The following DSCAML1 variants were observed in gnomAD, a reference collection of about 807,000 sequenced individuals.
DSCAML1 encodes DS cell adhesion molecule like 1, also known as cell adhesion molecule DSCAML1.
In DSCAML1, 38 loss-of-function variants were observed where a neutral mutation model predicts 200.5. The ratio of observed to expected loss-of-function variants is 0.19; its 90% CI spans 0.15 to 0.25. DSCAML1 has a LOEUF of 0.25. Among genes scored for constraint, DSCAML1 ranks in the 10% least tolerant of loss-of-function variants. The pLI is 1.00. For synonymous variants in DSCAML1, 1,215 were observed against 1,165.0 expected, an observed-to-expected ratio of 1.04 and a Z score of -0.87; for missense variants, 2,223 against 2,858.8, an observed-to-expected ratio of 0.78 and a Z score of 5.07.
rs372736535 is a variant in DSCAML1 at position 117,465,029 on chromosome 11, C to A, written c.3178G>T (p.Ala1060Ser). Reference sequence around the variant, plus strand: ...GCTTGGACCACCACCCCATACTGGGCGAACTTCTTGAGGTTGTCCAGGGTG... The same window carrying A: ...GCTTGGACCACCACCCCATACTGGGAGAACTTCTTGAGGTTGTCCAGGGTG... The part of the protein sequence containing the change: ...VYTLDNLKKF[A>S]QYGVVVQAFN... The change falls in exon 17 of 33, where the codon GCC becomes TCC. Residue 1060 changes from alanine (A) to serine (S), a missense_variant. Coordinates refer to ENST00000651296, the MANE Select transcript of DSCAML1 (RefSeq NM_020693.4). 1.1e-5 allele frequency: 18 copies of A among 1,614,002 alleles called. No individual in the cohort carries two copies. Among genetic ancestry groups the A allele is most frequent in the Non-Finnish European group, 1.5e-5 (18 of 1,179,994 alleles).
intron 3 of DSCAML1, among the ~76,000 whole-genome samples, chr11:117,744,933 G>A (rs774104764): frequency 6.6e-5 from 10 of 152,212 alleles, no homozygotes; most frequent in African/African-American, 9.6e-5. Flanking sequence ...CAGGGAGGGC[G>A]GGCCAACCCA....
intron 20 of DSCAML1, 100 bp from the exon 21 acceptor site, chr11:117,444,139 G>T (rs1187341844): frequency 1.5e-6 from 2 of 1,361,526 alleles, no homozygotes; most frequent in Non-Finnish European, 2.0e-6. Flanking sequence ...GGATGGCGGG[G>T]TCGGATGCGA....
intron 3 of DSCAML1, among the ~76,000 whole-genome samples, chr11:117,702,185 G>A (rs1471199476): frequency 6.6e-6 from 1 of 152,130 alleles, no homozygotes; most frequent in African/African-American, 2.4e-5. Context: ...TGGTCTCCCT[G>A]ATGAACACAA....
intron 3 of DSCAML1, among the ~76,000 whole-genome samples, chr11:117,574,351 G>A (rs960004279): frequency 6.6e-6 from 1 of 152,184 alleles, no homozygotes; most frequent in Non-Finnish European, 1.5e-5. Flanking sequence ...GGGAGATTAG[G>A]TGGAGGGTTC....
chr11:117,433,828 A>G (rs1012740515), intron 27 of DSCAML1, among the ~76,000 whole-genome samples: 1 of 152,236 alleles, frequency 6.6e-6, no homozygotes, highest in Admixed American at 6.5e-5. Flanking sequence ...TGGAAGATTT[A>G]TCTTCAGTTA....
chr11:117,475,604 CAT>C lies in DSCAML1; in HGVS notation c.2786-3570_2786-3569del, dbSNP rs751871028. On this transcript the variant is annotated intron_variant, in intron 14 of 32. Coordinates refer to ENST00000651296, the MANE Select transcript of DSCAML1 (RefSeq NM_020693.4). The stretch of plus-strand genomic sequence containing the variant: ...ACCTTTGGTCCTCTCCCCAGTTTCA[CAT>C]GTGTTGGGCACTTAAAATGTGCTGT... Among the ~76,000 whole-genome samples, 46 of 152,212 alleles carry C rather than the reference CAT, an allele frequency of 3.0e-4. 1 individual carries two copies. The highest frequency in any genetic ancestry group is 4.6e-4 in the Admixed American group (7 of 15,274).
chr11:117,494,687 A>G, intron 11 of DSCAML1, among the ~76,000 whole-genome samples: 1 of 152,196 alleles, frequency 6.6e-6, no homozygotes, highest in East Asian at 1.9e-4. Context: ...GATGTAATCA[A>G]GATGTAAGTT....
chr11:117,811,021 T>C (rs2055756434), intron 1 of DSCAML1, among the ~76,000 whole-genome samples: 1 of 152,202 alleles, frequency 6.6e-6, no homozygotes, highest in Non-Finnish European at 1.5e-5. Context: ...CTCCACCCTG[T>C]AATCTTTTTA....
At chr11:117,568,574 C>A (rs1007157590) in intron 3 of DSCAML1, among the ~76,000 whole-genome samples, 8 of 151,278 alleles carry the variant, frequency 5.3e-5, no homozygotes, top group African/African-American at 1.9e-4. Flanking sequence ...TTCTTATACA[C>A]CAACAACAGA....
At chr11:117,707,636 C>T (rs769747856) in intron 3 of DSCAML1, among the ~76,000 whole-genome samples, 3 of 152,152 alleles carry the variant, frequency 2.0e-5, no homozygotes, top group South Asian at 2.1e-4. Context: ...CGGGTTCAAG[C>T]GATTCTCCTG....
intron 18 of DSCAML1, among the ~76,000 whole-genome samples, chr11:117,461,128 A>G (rs904017275): frequency 9.9e-5 from 15 of 151,604 alleles, no homozygotes; most frequent in African/African-American, 3.6e-4. Flanking sequence ...CCAAACACAC[A>G]CTGTTGTCCA....
At chr11:117,716,542 G>A (rs77891607) in intron 3 of DSCAML1, among the ~76,000 whole-genome samples, 3,274 of 152,228 alleles carry the variant, frequency 0.022, 124 homozygotes, top group African/African-American at 0.073. Flanking sequence ...ACAGGTGGGC[G>A]TGCCTAGCCA....
At chr11:117,502,862 G>A (rs1420961700) in intron 11 of DSCAML1, among the ~76,000 whole-genome samples, 1 of 152,130 alleles carries the variant, frequency 6.6e-6, no homozygotes, top group Non-Finnish European at 1.5e-5. Flanking sequence ...CGCTCATAGT[G>A]TAGATCAGGA....
intron 1 of DSCAML1, among the ~76,000 whole-genome samples, chr11:117,807,673 G>A (rs769962672): frequency 1.1e-4 from 16 of 152,206 alleles, no homozygotes; most frequent in African/African-American, 3.4e-4. Flanking sequence ...AGCAGGTGTC[G>A]CCCAAAGACT....
At chr11:117,545,343 G>C (rs548177210) in intron 3 of DSCAML1, among the ~76,000 whole-genome samples, 46 of 152,090 alleles carry the variant, frequency 3.0e-4, no homozygotes, top group Non-Finnish European at 5.9e-4. Flanking sequence ...CAGGGAGAGA[G>C]GCCTCACCAG....
intron 3 of DSCAML1, among the ~76,000 whole-genome samples, chr11:117,711,187 G>A (rs1392899133): frequency 2.6e-5 from 4 of 152,206 alleles, no homozygotes; most frequent in Non-Finnish European, 5.9e-5. Context: ...TCATGGGGCA[G>A]GCTGAGCTCA....
At chr11:117,785,228 A>T (rs2134061452) in intron 1 of DSCAML1, among the ~76,000 whole-genome samples, 1 of 152,324 alleles carries the variant, frequency 6.6e-6, no homozygotes, top group Non-Finnish European at 1.5e-5. Flanking sequence ...AAAGGGGGTT[A>T]AACAATAGCA....
intron 3 of DSCAML1, among the ~76,000 whole-genome samples, chr11:117,671,046 T>G (rs937913893): frequency 6.6e-6 from 1 of 152,182 alleles, no homozygotes; most frequent in Non-Finnish European, 1.5e-5. Flanking sequence ...GCCAATTCCC[T>G]CTGGCCTGTG....
At chr11:117,613,124 C>T (rs572758324) in intron 3 of DSCAML1, among the ~76,000 whole-genome samples, 21 of 152,012 alleles carry the variant, frequency 1.4e-4, no homozygotes, top group Non-Finnish European at 2.5e-4. Context: ...CCCCACCCCA[C>T]CTTCTTAATA....
Sources: gnomAD v4.1 joint callset for allele counts (sites outside exome capture counted in the v4.1 genomes callset) on GRCh38, gnomAD v4.1.1 for gene constraint, MANE v1.5 for transcripts, NCBI Gene and HGNC (gene_info 2026-07-23, HGNC 2026-07-21) for gene names.